Variants in MTHFD2L observed in about 807,000 individuals in gnomAD.
MTHFD2L encodes bifunctional methylenetetrahydrofolate dehydrogenase/cyclohydrolase 2, mitochondrial.
A neutral mutation model predicts 34.9 loss-of-function variants in MTHFD2L; 29 were observed. That is an observed-to-expected ratio of 0.83 (90% CI 0.62 to 1.13). The LOEUF (loss-of-function observed/expected upper bound fraction) is 1.13. MTHFD2L is among the 50% of genes most tolerant of loss of function. The pLI, the probability that MTHFD2L is intolerant of heterozygous loss-of-function variation, is 0.00. For synonymous variants in MTHFD2L, 167 were observed against 155.7 expected, an observed-to-expected ratio of 1.07 and a Z score of -0.54; for missense variants, 481 against 446.5, an observed-to-expected ratio of 1.08 and a Z score of -0.70.
chr4:74,201,894 C>T (rs1734505190), intron 5 of MTHFD2L, among the ~76,000 whole-genome samples: 1 of 152,182 alleles, frequency 6.6e-6, no homozygotes, highest in Admixed American at 6.5e-5. Context: ...AGAGAACATG[C>T]AGCCATTCCA....
intron 6 of MTHFD2L, among the ~76,000 whole-genome samples, chr4:74,227,252 C>T (rs561465503): frequency 6.6e-6 from 1 of 152,178 alleles, no homozygotes; most frequent in Non-Finnish European, 1.5e-5. Context: ...ATCCTTTCCC[C>T]GACAGCTAAG....
chr4:74,118,104 A>C (rs1251663038), intron 2 of MTHFD2L, among the ~76,000 whole-genome samples: 1 of 152,226 alleles, frequency 6.6e-6, no homozygotes, highest in Non-Finnish European at 1.5e-5. Flanking sequence ...AGTATTTATG[A>C]AATTATGAAT....
At chr4:74,261,453 A>G (rs1292786958) in intron 6 of MTHFD2L, among the ~76,000 whole-genome samples, 1 of 152,108 alleles carries the variant, frequency 6.6e-6, no homozygotes, top group African/African-American at 2.4e-5. Context: ...CTTTTCAAAT[A>G]TATAATCAAA....
intron 3 of MTHFD2L, among the ~76,000 whole-genome samples, chr4:74,176,976 A>G (rs1364757832): frequency 6.6e-6 from 1 of 151,988 alleles, no homozygotes; most frequent in African/African-American, 2.4e-5. Flanking sequence ...TGTGCTGTTT[A>G]CATTATATCA....
rs770810367 is a variant in MTHFD2L at position 74,199,794 on chromosome 4, A to G, written c.452A>G (p.Asp151Gly). The G allele has an allele frequency of 1.3e-6, 2 of 1,593,652 alleles. No homozygotes were observed. Among genetic ancestry groups the G allele is most frequent in the African/African-American group, 2.7e-5 (2 of 74,046 alleles). ...TAGACAAATTTTATTTATTTTTCAG[A>G]CCACGTTGATGAGCGAACAATATGC... ...SGILVQLPLP[D>G]HVDERTICNG... The change falls in exon 4 of 8, where the codon GAC becomes GGC. Residue 151 changes from aspartate to glycine, a missense_variant and splice_region_variant. Coordinates refer to ENST00000325278, the MANE Select transcript of MTHFD2L (RefSeq NM_001144978.3).
intron 5 of MTHFD2L, among the ~76,000 whole-genome samples, chr4:74,206,336 C>T (rs1735309102): frequency 6.6e-6 from 1 of 152,086 alleles, no homozygotes; most frequent in Admixed American, 6.5e-5. Flanking sequence ...GGGCTGATGT[C>T]ATCTCAACAA....
At chr4:74,133,106 G>T (rs561276145) in intron 1 of MTHFD2L, among the ~76,000 whole-genome samples, 1 of 152,102 alleles carries the variant, frequency 6.6e-6, no homozygotes, top group African/African-American at 2.4e-5. Context: ...CTTAGCTTTT[G>T]TCTGTGAAAG....
intron 1 of MTHFD2L, among the ~76,000 whole-genome samples, chr4:74,174,142 TA>T (rs1182253803): frequency 6.6e-6 from 1 of 152,118 alleles, no homozygotes; most frequent in Non-Finnish European, 1.5e-5. Context: ...TGGAATTTCT[TA>T]AAAGGACACT....
At chr4:74,213,032 T>G (rs1156691005) in intron 5 of MTHFD2L, among the ~76,000 whole-genome samples, 1 of 152,082 alleles carries the variant, frequency 6.6e-6, no homozygotes, top group African/African-American at 2.4e-5. Context: ...TTTTTTTTTT[T>G]GCTTTCCATT....
At chr4:74,138,593 G>A (rs536694420) in intron 1 of MTHFD2L, among the ~76,000 whole-genome samples, 15 of 152,294 alleles carry the variant, frequency 9.8e-5, no homozygotes, top group Admixed American at 8.5e-4. Context: ...GATCCAGAGC[G>A]GCAATGGGAA....
At chr4:74,188,563 G>T (rs998026014) in intron 3 of MTHFD2L, among the ~76,000 whole-genome samples, 1 of 152,024 alleles carries the variant, frequency 6.6e-6, no homozygotes, top group African/African-American at 2.4e-5. Flanking sequence ...AATGTTTATA[G>T]ATAGTTGGAG....
intron 1 of MTHFD2L, among the ~76,000 whole-genome samples, chr4:74,167,097 T>G (rs1028401869): frequency 6.6e-6 from 1 of 152,128 alleles, no homozygotes; most frequent in Non-Finnish European, 1.5e-5. Flanking sequence ...CCAGGACTAC[T>G]CCTATATACC....
chr4:74,263,519 G>A (rs993928222), intron 6 of MTHFD2L, among the ~76,000 whole-genome samples: 2 of 151,842 alleles, frequency 1.3e-5, no homozygotes, highest in Admixed American at 1.3e-4. Context: ...ATGGTTAGTA[G>A]TTCTCCTTGT....
At chr4:74,160,109 C>A (rs1021829458) in intron 1 of MTHFD2L, 1 of 1,287,888 alleles carries the variant, frequency 7.8e-7, no homozygotes, top group African/African-American at 1.5e-5. Flanking sequence ...TCTGCCTCCC[C>A]ACTTGTCCCC....
At chr4:74,251,170 G>T (rs1268561963) in intron 6 of MTHFD2L, among the ~76,000 whole-genome samples, 2 of 152,162 alleles carry the variant, frequency 1.3e-5, no homozygotes, top group South Asian at 2.1e-4. Context: ...AGCCTATCAT[G>T]TAGATTTCTG....
intron 6 of MTHFD2L, among the ~76,000 whole-genome samples, chr4:74,265,774 C>T (rs969934548): frequency 3.9e-5 from 6 of 152,128 alleles, no homozygotes; most frequent in African/African-American, 1.2e-4. Flanking sequence ...TAAAATAGTA[C>T]TTTGGTATAT....
chr4:74,245,054 G>C (rs1000327825), intron 6 of MTHFD2L, among the ~76,000 whole-genome samples: 38 of 151,874 alleles, frequency 2.5e-4, no homozygotes, highest in African/African-American at 7.7e-4. Flanking sequence ...AATTAGCGAG[G>C]CGTCGTGGCA....
At chr4:74,254,082 G>A (rs756287492) in intron 6 of MTHFD2L, among the ~76,000 whole-genome samples, 1 of 152,174 alleles carries the variant, frequency 6.6e-6, no homozygotes, top group Middle Eastern at 3.4e-3. Context: ...ATGCATTTGG[G>A]GACGTCTAGA....
Position 74,179,302 on chromosome 4 carries a change from C to T in MTHFD2L, c.451+3899C>T, listed in dbSNP as rs1391693645. On this transcript the variant is annotated intron_variant, in intron 3 of 7. Transcript: ENST00000325278. ...TACAAGTTCCTAGCACATGTAACCA[C>T]CAAGTTGCTGATCGTTTGGTTTCCC... Among the ~76,000 whole-genome samples, 8 of 152,188 alleles carry T rather than the reference C, an allele frequency of 5.3e-5. No homozygotes were observed. The South Asian group carries it at 1.7e-3, about 32-fold the overall frequency.
Sources: gnomAD v4.1 joint callset for allele counts (sites outside exome capture counted in the v4.1 genomes callset) on GRCh38, gnomAD v4.1.1 for gene constraint, MANE v1.5 for transcripts, NCBI Gene and HGNC (gene_info 2026-07-23, HGNC 2026-07-21) for gene names.